PER3: variants seen among roughly 807,000 people sequenced by gnomAD.
PER3 encodes period circadian protein homolog 3.
In PER3, 107 loss-of-function variants were observed where a neutral mutation model predicts 127.2. The ratio of observed to expected loss-of-function variants is 0.84; its 90% confidence interval spans 0.72 to 0.99. The LOEUF is 0.99. Ranked by LOEUF, PER3 falls within the 50% of genes least tolerant of loss-of-function variation. The pLI is 0.00. For synonymous variants in PER3, 618 were observed against 585.8 expected (o/e 1.05, Z -0.79); for missense variants, 1,560 against 1,525.8 (o/e 1.02, Z -0.37).
At position 7,842,713 on chromosome 1, in the gene PER3, G is replaced by A. The variant is rs144281505; in HGVS notation, c.3591G>A (p.Ala1197=). The A allele has an allele frequency of 1.4e-5, 22 of 1,613,268 alleles. No homozygotes were observed. Among genetic ancestry groups the A allele is most frequent in the South Asian group, 8.8e-5 (8 of 91,040 alleles). The change falls in exon 22 of 22, where the codon GCG becomes GCA. Residue 1197 remains alanine (A), a synonymous_variant. Transcript: ENST00000377532. ...AAAATGAAGATTCAGCTGATGGTGC[G>A]GCCACATCCTGTGGTCAGGTTCTGG... ...TCENEDSADG[A]ATSCGQVLVE... is the part of the protein sequence containing the mutation.
intron 10 of PER3, among the ~76,000 whole-genome samples, chr1:7,806,350 G>T (rs61773378): frequency 2.0e-5 from 3 of 152,008 alleles, no homozygotes; most frequent in African/African-American, 7.3e-5. Flanking sequence ...AGTGAAAGTG[G>T]AGACTGCAGC....
intron 21 of PER3, among the ~76,000 whole-genome samples, chr1:7,839,669 C>A (rs1245889606): frequency 1.3e-5 from 2 of 152,180 alleles, no homozygotes; most frequent in Non-Finnish European, 2.9e-5. Flanking sequence ...TCTTAGTTGA[C>A]AGTTTTTTTT....
intron 6 of PER3, among the ~76,000 whole-genome samples, chr1:7,795,008 TAG>T (rs1175901709): frequency 6.6e-6 from 1 of 152,116 alleles, no homozygotes; most frequent in Non-Finnish European, 1.5e-5. Context: ...TCAAGATGTT[TAG>T]AGAGAAGAAA....
intron 21 of PER3, among the ~76,000 whole-genome samples, chr1:7,840,389 A>T (rs766111274): frequency 6.4e-4 from 96 of 150,012 alleles, no homozygotes; most frequent in Non-Finnish European, 6.2e-4. Flanking sequence ...GTGCAGTGGC[A>T]TGATCATGGC....
chr1:7,820,435 C>G, intron 15 of PER3, 32 bp from the exon 16 acceptor site: 1 of 1,571,338 alleles, frequency 6.4e-7, no homozygotes, highest in Non-Finnish European at 8.6e-7. Context: ...GGGAATTTTT[C>G]TTTTCACTGT....
chr1:7,785,509 TC>T lies in PER3; in HGVS notation c.201del (p.Ser68ArgfsTer10). 6.2e-7 allele frequency: 1 copy of T among 1,611,246 alleles called. No individual in the cohort carries two copies. Among genetic ancestry groups the T allele is most frequent in the Non-Finnish European group, 8.5e-7 (1 of 1,177,436 alleles). On this transcript the variant is annotated frameshift_variant, in exon 3 of 22. Transcript: ENST00000377532. LOFTEE classifies it high-confidence loss of function. ...GTTGTCCAAGAAATGAAAAAATACT[TC>T]CCCTCGGAGAGACGCAATAAACCAA... ...IMVVQEMKKYFPSERRNKPST... is the reference protein window; with the variant it reads ...IMVVQEMKKYXPSERRNKPST...
rs1342259977 is a variant in PER3, at chr1:7,843,228, A to C, written c.*473A>C. On this transcript the variant is annotated 3_prime_UTR_variant, in exon 22 of 22. Transcript: ENST00000377532. Reference sequence around the variant, plus strand: ...AGTACGTTCATACAGGCTTCATTCAACCTGGCGTTCCCCTCCATAATTAAG... The same window carrying C: ...AGTACGTTCATACAGGCTTCATTCACCCTGGCGTTCCCCTCCATAATTAAG... 6.5e-6 allele frequency: 1 copy of C among 153,136 alleles called. No individual in the cohort carries two copies. Among genetic ancestry groups the C allele is most frequent in the Non-Finnish European group, 1.5e-5 (1 of 68,296 alleles). 9.5% of individuals were successfully genotyped at this position (153,136 alleles called of 1,614,324 possible). A position where few individuals can be genotyped will look rare whatever the true frequency, so the allele number is the denominator to read the frequency against.
rs1380806944 is a variant in PER3, at chr1:7,809,932, G to GGGAGCAGCGGGTCGCA, written c.1291_1306dup (p.Leu436ArgfsTer14). 6.2e-7 allele frequency: 1 copy of GGGAGCAGCGGGTCGCA among 1,614,064 alleles called. No individual in the cohort carries two copies. The highest frequency in any genetic ancestry group is 1.1e-5 in the South Asian group (1 of 91,074). ...CGTGTCCAGCGGCTACGGGAGCCTG[G>GGGAGCAGCGGGTCGCA]GGAGCAGCGGGTCGCAGGAGCAGCT... On this transcript the variant is annotated frameshift_variant, in exon 12 of 22. Transcript: ENST00000377532. LOFTEE classifies it high-confidence loss of function.
At chr1:7,817,043 G>C (rs2097254667) in intron 13 of PER3, among the ~76,000 whole-genome samples, 1 of 152,188 alleles carries the variant, frequency 6.6e-6, no homozygotes, top group African/African-American at 2.4e-5. Flanking sequence ...TTCATTAAGT[G>C]AAAGAAGGCA....
chr1:7,799,122 T>A (rs2097158690), intron 7 of PER3, among the ~76,000 whole-genome samples: 2 of 152,324 alleles, frequency 1.3e-5, no homozygotes, highest in South Asian at 2.1e-4. Context: ...CATATATCAA[T>A]ACATAGGCAG....
chr1:7,836,021 G>T (rs959583643), intron 20 of PER3, 76 bp downstream of exon 20: 1 of 1,014,830 alleles, frequency 9.9e-7, no homozygotes, highest in East Asian at 2.5e-5. Flanking sequence ...TTTTTGAGAC[G>T]GAGTCTCGCC....
intron 16 of PER3, 73 bp downstream of exon 16, chr1:7,820,713 G>C: frequency 8.0e-7 from 1 of 1,252,624 alleles, no homozygotes. Flanking sequence ...CAAAAGTCAT[G>C]AATACCATTC....
intron 12 of PER3, 105 bp from the exon 13 acceptor site, chr1:7,810,333 C>T: frequency 1.2e-6 from 1 of 832,780 alleles, no homozygotes; most frequent in Admixed American, 2.7e-5. Context: ...GTGCTTCAGT[C>T]ATTATATCTT....
intron 7 of PER3, among the ~76,000 whole-genome samples, chr1:7,799,854 A>C (rs1438595691): frequency 6.6e-6 from 1 of 151,294 alleles, no homozygotes; most frequent in Non-Finnish European, 1.5e-5. Context: ...TTGCAGCCTC[A>C]GACTCCTGGG....
chr1:7,804,918 G>A (rs551102746), intron 10 of PER3, among the ~76,000 whole-genome samples: 57 of 151,344 alleles, frequency 3.8e-4, no homozygotes, highest in Middle Eastern at 3.4e-3. Context: ...ACCCAGGCTG[G>A]AGTACAGTGG....
In PER3 at chr1:7,784,765, C is replaced by T; in HGVS notation, c.-113C>T. On this transcript the variant is annotated 5_prime_UTR_variant, in exon 2 of 22. It adds an upstream start codon to the 5' untranslated region. Transcript: ENST00000377532. ...CGTGGTGGCCGCCTGTTCTCACTAACGCCATGGCGGGGACCGGAGTGAGAA... is the reference window on the plus strand; with the variant it reads ...CGTGGTGGCCGCCTGTTCTCACTAATGCCATGGCGGGGACCGGAGTGAGAA... 3 of 1,168,874 alleles carry T rather than the reference C, an allele frequency of 2.6e-6. No individual in the cohort carries two copies. In the South Asian group the frequency reaches 6.1e-5, roughly 24 times the overall value. The allele number at this position is 1,168,874 out of a possible 1,614,324, so 72.4% of individuals were successfully genotyped here. A position where few individuals can be genotyped will look rare whatever the true frequency, so the allele number is the denominator to read the frequency against.
rs1047970735 is a variant in PER3 at position 7,802,901 on chromosome 1, G to A, written c.873-146G>A. The A allele has an allele frequency of 2.5e-5, 16 of 640,812 alleles. No homozygotes were observed. The Admixed American group carries it at 3.2e-4, about 13-fold the overall frequency. The allele number at this position is 640,812 out of a possible 1,614,324, so 39.7% of individuals were successfully genotyped here. A position where few individuals can be genotyped will look rare whatever the true frequency, so the allele number is the denominator to read the frequency against. On this transcript the variant is annotated intron_variant, in intron 8 of 21. Transcript: ENST00000377532. ...GCCATTTCCCCCAGGATGGGCACTT[G>A]GGTTCTTTGCTGTTTTTATAAATGC...
At position 7,785,445 on chromosome 1, in the gene PER3, C is replaced by A. The variant is rs151272434; in HGVS notation, c.133C>A (p.Gln45Lys). 3.7e-5 allele frequency: 60 copies of A among 1,611,432 alleles called. No individual in the cohort carries two copies. In the African/African-American group the frequency reaches 7.7e-4, roughly 21 times the overall value. The part of the protein sequence containing the change: ...RKLADSSHSE[Q>K]QDRNRVSEEL... ...TAATTTTTTTTTATCTTCCAGTGAA[C>A]AGCAAGATCGAAACAGAGTTTCTGA... is the stretch of plus-strand genomic sequence containing the variant. Residue 45 changes from glutamine (Q) to lysine (K), a missense_variant, in exon 3 of 22, where the codon CAG becomes AAG. Gln to Lys is a moderately conservative substitution (Grantham distance 53). Around this residue, in one of 3 missense-constraint regions of PER3, gnomAD observed 1,332 missense variants for 1,223.6 expected, o/e 1.09. Transcript: ENST00000377532.
chr1:7,842,505 A>AT (rs533949266), intron 21 of PER3, 167 bp from the exon 22 acceptor site: 138 of 498,332 alleles, frequency 2.8e-4, no homozygotes, highest in African/African-American at 2.5e-3. Context: ...GTCTCAAAAA[A>AT]AAAAATAAAA....
Sources: allele counts gnomAD v4.1 joint callset (sites outside exome capture counted in the v4.1 genomes callset), GRCh38; gene constraint gnomAD v4.1.1; regional missense constraint gnomAD v4.1.1; transcripts MANE v1.5; gene names NCBI Gene and HGNC (gene_info 2026-07-23, HGNC 2026-07-21).